The following LINGO2 variants were observed in gnomAD, a reference collection of about 807,000 sequenced individuals.
LINGO2 encodes leucine-rich repeat and immunoglobulin-like domain-containing nogo receptor-interacting protein 2.
LINGO2 carries 14 observed loss-of-function variants against 30.6 expected under a neutral mutation model. The ratio of observed to expected loss-of-function variants is 0.46; its 90% confidence interval spans 0.30 to 0.72. The LOEUF is 0.72. LINGO2 is among the 30% of genes least tolerant of loss of function. LINGO2 has a pLI of 0.07. For synonymous variants in LINGO2, 317 were observed against 288.5 expected (o/e 1.10, Z -1.00); for missense variants, 729 against 751.7 (o/e 0.97, Z 0.35).
At chr9:28,425,319 A>G (rs1038981039) in intron 2 of LINGO2, among the ~76,000 whole-genome samples, 6 of 107,864 alleles carry the variant, frequency 5.6e-5, no homozygotes, top group East Asian at 8.3e-4. Context: ...CACAGTATAT[A>G]TGTGTGTGTG....
chr9:28,986,531 T>C, the LINGO2 span, among the ~76,000 whole-genome samples: 1 of 152,060 alleles, frequency 6.6e-6, no homozygotes, highest in Non-Finnish European at 1.5e-5. Flanking sequence ...CATTTATTTG[T>C]GTCTTCTTCA....
the LINGO2 span, among the ~76,000 whole-genome samples, chr9:28,763,632 AAG>A: frequency 6.6e-6 from 1 of 151,868 alleles, no homozygotes; most frequent in Non-Finnish European, 1.5e-5. Flanking sequence ...GAACTAAAAA[AAG>A]AAAAAAAAAT....
rs1820843382 is a variant in LINGO2 at position 28,521,909 on chromosome 9, A to T, written c.-364-45884T>A. Among the ~76,000 whole-genome samples, 3 of 152,216 alleles carry T rather than the reference A, an allele frequency of 2.0e-5. No homozygotes were observed. In the South Asian group the frequency reaches 6.2e-4, roughly 32 times the overall value. The stretch of plus-strand genomic sequence containing the variant: ...GTTGGAATTATGTGGGCACAAGCCA[A>T]GGAAAGCCAAGGATTGTCAATAGCC... On this transcript the variant is annotated intron_variant, in intron 1 of 5. Coordinates refer to ENST00000379992, the Ensembl canonical transcript of LINGO2.
intron 4 of LINGO2, among the ~76,000 whole-genome samples, chr9:28,133,774 G>A (rs529723874): frequency 1.3e-5 from 2 of 152,110 alleles, no homozygotes; most frequent in South Asian, 4.1e-4. Flanking sequence ...AAATGTTGGT[G>A]TCCTTTAAGA....
the LINGO2 span, among the ~76,000 whole-genome samples, chr9:28,880,515 TG>T: frequency 3.9e-5 from 6 of 152,166 alleles, no homozygotes; most frequent in Non-Finnish European, 8.8e-5. Context: ...CAATGCACTG[TG>T]GAAAGCCGCA....
chr9:28,933,177 G>C, the LINGO2 span, among the ~76,000 whole-genome samples: 2 of 152,044 alleles, frequency 1.3e-5, no homozygotes, highest in Admixed American at 1.3e-4. Flanking sequence ...AAAGTGCTGG[G>C]ATTACAGTCA....
At chr9:28,303,030 T>A (rs1377589049) in intron 3 of LINGO2, among the ~76,000 whole-genome samples, 1 of 152,196 alleles carries the variant, frequency 6.6e-6, no homozygotes. Flanking sequence ...ATTTGTCCTA[T>A]CAATTTGCTT....
the LINGO2 span, among the ~76,000 whole-genome samples, chr9:28,823,550 T>C: frequency 2.1e-3 from 313 of 152,264 alleles, 5 homozygotes; most frequent in South Asian, 1.5e-3. Context: ...GCTCTGAGAT[T>C]AGTCAAAAGA....
the LINGO2 span, among the ~76,000 whole-genome samples, chr9:28,771,583 C>A: frequency 4.0e-5 from 6 of 150,470 alleles, no homozygotes; most frequent in African/African-American, 1.5e-4. Context: ...CCCAGTAAAA[C>A]CATTTGTGAA....
intron 1 of LINGO2, among the ~76,000 whole-genome samples, chr9:28,667,053 A>C (rs1381418906): frequency 6.6e-6 from 1 of 152,170 alleles, no homozygotes; most frequent in African/African-American, 2.4e-5. Context: ...CGACTTATAG[A>C]ATAATAAAAA....
At chr9:29,084,276 T>C in the LINGO2 span, among the ~76,000 whole-genome samples, 94 of 152,108 alleles carry the variant, frequency 6.2e-4, 1 homozygote, top group Non-Finnish European at 1.5e-4. Context: ...AATTGGACAA[T>C]GAAGTACTGT....
chr9:28,247,432 A>T (rs762589063), intron 4 of LINGO2, among the ~76,000 whole-genome samples: 2 of 152,232 alleles, frequency 1.3e-5, no homozygotes, highest in Non-Finnish European at 2.9e-5. Context: ...AAAAGGAATG[A>T]GATCATGTGT....
chr9:28,705,900 C>T, the LINGO2 span, among the ~76,000 whole-genome samples: 1 of 152,108 alleles, frequency 6.6e-6, no homozygotes, highest in East Asian at 1.9e-4. Flanking sequence ...TGTAACCTCA[C>T]TTCTCTGATG....
chr9:28,626,998 A>G (rs1327043538), intron 1 of LINGO2, among the ~76,000 whole-genome samples: 1 of 150,768 alleles, frequency 6.6e-6, no homozygotes, highest in East Asian at 2.0e-4. Context: ...GCTACATCAC[A>G]TTTTCCTGCT....
intron 4 of LINGO2, among the ~76,000 whole-genome samples, chr9:28,093,234 C>T (rs12339229): frequency 0.064 from 9,730 of 152,112 alleles, 489 homozygotes; most frequent in African/African-American, 0.14. Flanking sequence ...GTGCGTTTTT[C>T]TCCAGAATGA....
At chr9:28,042,006 G>C (rs1229284924) in intron 4 of LINGO2, among the ~76,000 whole-genome samples, 1 of 151,768 alleles carries the variant, frequency 6.6e-6, no homozygotes, top group Non-Finnish European at 1.5e-5. Flanking sequence ...TATGGTTTTG[G>C]GCAAGTAACT....
the LINGO2 span, among the ~76,000 whole-genome samples, chr9:28,907,273 A>G: frequency 6.6e-6 from 1 of 151,984 alleles, no homozygotes; most frequent in Admixed American, 6.6e-5. Context: ...AGACTTTATG[A>G]AAGAGATGAA....
At chr9:28,677,807 T>C in the LINGO2 span, among the ~76,000 whole-genome samples, 69 of 152,198 alleles carry the variant, frequency 4.5e-4, no homozygotes, top group African/African-American at 1.5e-3. Context: ...AATATCATAA[T>C]TCAGGATAGT....
At chr9:28,808,515 A>G in the LINGO2 span, among the ~76,000 whole-genome samples, 3 of 152,192 alleles carry the variant, frequency 2.0e-5, no homozygotes, top group Non-Finnish European at 2.9e-5. Context: ...GGAAAGCTCT[A>G]GCTTTATCCA....
Sources: gnomAD v4.1 joint callset for allele counts (sites outside exome capture counted in the v4.1 genomes callset) on GRCh38, gnomAD v4.1.1 for gene constraint, MANE v1.5 for transcripts, NCBI Gene and HGNC (gene_info 2026-07-23, HGNC 2026-07-21) for gene names.